Variants in PIEZO2 observed in about 807,000 individuals in gnomAD.
PIEZO2 encodes piezo-type mechanosensitive ion channel component 2.
Under a neutral mutation model 337.3 loss-of-function variants are expected in PIEZO2, and 172 were observed. The ratio of observed to expected loss-of-function variants is 0.51; its 90% CI spans 0.45 to 0.58. The LOEUF is 0.58. PIEZO2 is among the 20% of genes least tolerant of loss of function. The probability of loss-of-function intolerance (pLI) is 0.00; values close to 1 mark genes in which losing one functional copy is unlikely to be tolerated. For synonymous variants in PIEZO2, 1,251 were observed against 1,228.5 expected, an observed-to-expected ratio of 1.02 and a Z score of -0.38; for missense variants, 3,028 against 3,391.3, an observed-to-expected ratio of 0.89 and a Z score of 2.66.
In PIEZO2 at chr18:10,970,660, TCACACACACACACACA is replaced by T. The variant is rs71169962; in HGVS notation, c.286+8859_286+8874del. 6.4e-3 allele frequency among the ~76,000 whole-genome samples: 878 copies of T among 137,526 alleles called. 9 individuals are homozygous for T. Among genetic ancestry groups the T allele is most frequent in the African/African-American group, 0.021 (812 of 38,460 alleles). 90.2% of individuals were successfully genotyped at this position (137,526 alleles called of 152,430 possible). ...CAAAACTTAGAACAAAAAAGATGTT[TCACACACACACACACA>T]CACACACACACACACACACACACAC... On this transcript the variant is annotated intron_variant, in intron 3 of 55. Coordinates refer to ENST00000674853, the MANE Select transcript of PIEZO2 (RefSeq NM_001378183.1).
Position 10,746,420 on chromosome 18 carries a change from C to T in PIEZO2, c.4424+2051G>A, listed in dbSNP as rs1274243948. ...TCCGTAGTTTCACTGGGCTGCTTCCCCTGCCTTCTCCTCTGACTAACTCCT... is the reference window on the plus strand; with the variant it reads ...TCCGTAGTTTCACTGGGCTGCTTCCTCTGCCTTCTCCTCTGACTAACTCCT... On this transcript the variant is annotated intron_variant, in intron 30 of 55. Coordinates refer to ENST00000674853, the MANE Select transcript of PIEZO2 (RefSeq NM_001378183.1). This position sits in a 1 kb window ranked among gnomAD's most constrained non-coding sequence, Gnocchi z 4.2. Among the ~76,000 whole-genome samples the T allele has an allele frequency of 6.6e-6, 1 of 152,198 alleles. No homozygotes were observed. Among genetic ancestry groups the T allele is most frequent in the Non-Finnish European group, 1.5e-5 (1 of 68,036 alleles).
chr18:10,809,659 C>T (rs1254614723), intron 7 of PIEZO2, among the ~76,000 whole-genome samples: 1 of 152,064 alleles, frequency 6.6e-6, no homozygotes, highest in African/African-American at 2.4e-5. Context: ...AAGTTCACAT[C>T]CTTTCTGGCA....
chr18:10,705,632 C>T lies in PIEZO2; in HGVS notation c.5703G>A (p.Glu1901=), dbSNP rs868681559. The T allele has an allele frequency of 3.3e-6, 5 of 1,537,192 alleles. No individual in the cohort carries two copies. The highest frequency in any genetic ancestry group is 4.9e-5 in the East Asian group (2 of 40,884). ...ACCCAGTGGCCTCGTACTCCTTGGC[C>T]TCCCTGGGCTCAGGCGCCGTGCTCC... The part of the protein sequence containing the change: ...EAGSTAPEPR[E]AKEYEATGYD... Residue 1901 remains glutamate, a synonymous_variant, in exon 41 of 56, where the codon GAG becomes GAA. Coordinates refer to ENST00000674853, the MANE Select transcript of PIEZO2 (RefSeq NM_001378183.1).
Position 11,003,418 on chromosome 18 carries a change from C to T in PIEZO2, c.161-23758G>A, listed in dbSNP as rs114997055. Among the ~76,000 whole-genome samples the T allele has an allele frequency of 0.026, 3,995 of 152,236 alleles. 72 individuals are homozygous for T. Among genetic ancestry groups the T allele is most frequent in the African/African-American group, 0.047 (1,961 of 41,556 alleles). On this transcript the variant is annotated intron_variant, in intron 2 of 55. Coordinates refer to ENST00000674853, the MANE Select transcript of PIEZO2 (RefSeq NM_001378183.1). The surrounding 1 kb of genome is among the most constrained non-coding windows in gnomAD (Gnocchi z 4.6). The stretch of plus-strand genomic sequence containing the variant: ...GTTGATCTAAAGAAGAGTTAAATTC[C>T]TAAGGCATATTTCTGGTCACAAAAA...
intron 2 of PIEZO2, among the ~76,000 whole-genome samples, chr18:11,015,272 C>T (rs764149026): frequency 1.3e-5 from 2 of 150,698 alleles, no homozygotes; most frequent in Non-Finnish European, 3.0e-5. Context: ...CAATCCAGGG[C>T]CCCCTCATTC....
chr18:11,055,039 G>A (rs1044337868), intron 2 of PIEZO2, among the ~76,000 whole-genome samples: 18 of 152,096 alleles, frequency 1.2e-4, no homozygotes, highest in Admixed American at 5.9e-4. Context: ...GTGAAACCCC[G>A]TCTCTACTAA....
At chr18:10,787,005 T>C (rs1372323049) in intron 16 of PIEZO2, 31 bp downstream of exon 16, 6 of 1,511,666 alleles carry the variant, frequency 4.0e-6, no homozygotes, top group Non-Finnish European at 4.4e-6. Context: ...GTCTTCATCT[T>C]GTTCATCATT....
chr18:11,022,642 C>G (rs1345445491), intron 2 of PIEZO2, among the ~76,000 whole-genome samples: 1 of 152,198 alleles, frequency 6.6e-6, no homozygotes, highest in East Asian at 1.9e-4. Context: ...TTAATCACCT[C>G]TTTAAAGGCC....
chr18:10,723,704 G>C (rs1313875597), intron 36 of PIEZO2, among the ~76,000 whole-genome samples: 2 of 152,160 alleles, frequency 1.3e-5, no homozygotes, highest in Non-Finnish European at 2.9e-5. Context: ...GACGGGATTG[G>C]ACTGAGTCCT....
chr18:11,018,828 T>C (rs1014307456), intron 2 of PIEZO2, among the ~76,000 whole-genome samples: 26 of 152,152 alleles, frequency 1.7e-4, no homozygotes, highest in Admixed American at 1.2e-3. Context: ...CTTTTTGAGG[T>C]ATACAATTCT....
chr18:11,065,136 G>A (rs1193646933), intron 2 of PIEZO2, among the ~76,000 whole-genome samples: 1 of 152,138 alleles, frequency 6.6e-6, no homozygotes, highest in African/African-American at 2.4e-5. Flanking sequence ...ATCATAACAT[G>A]CCTTATGAAG....
At chr18:10,970,759 TA>T (rs1318666442) in intron 3 of PIEZO2, among the ~76,000 whole-genome samples, 39 of 151,722 alleles carry the variant, frequency 2.6e-4, no homozygotes, top group African/African-American at 8.9e-4. Context: ...GAAGGCTTGT[TA>T]GAGTACTTGA....
In PIEZO2 at chr18:10,731,498, A is replaced by T. The variant is rs1170280560; in HGVS notation, c.4938T>A (p.Thr1646=). 4.6e-6 allele frequency: 7 copies of T among 1,532,134 alleles called. No individual in the cohort carries two copies. The Admixed American group carries it at 1.4e-4, about 30-fold the overall frequency. The allele number at this position is 1,532,134 out of a possible 1,614,324, so 94.9% of individuals were successfully genotyped here. The change falls in exon 36 of 56, where the codon ACT becomes ACA. Residue 1646 remains threonine, a synonymous_variant. Coordinates refer to ENST00000674853, the MANE Select transcript of PIEZO2 (RefSeq NM_001378183.1). The part of the protein sequence containing the change: ...AAKFVYQAWI[T]DPKTALRQRH... ...TTTGTCGGAGTGCTGTTTTAGGATC[A>T]GTAATCCAGGCTTGATAAACAAACT...
At chr18:10,779,941 C>T (rs2038921715) in intron 18 of PIEZO2, among the ~76,000 whole-genome samples, 1 of 152,138 alleles carries the variant, frequency 6.6e-6, no homozygotes, top group Non-Finnish European at 1.5e-5. Context: ...TTACTCTTAG[C>T]AGGAATGTTG....
At chr18:11,051,097 C>T (rs1013750486) in intron 2 of PIEZO2, among the ~76,000 whole-genome samples, 2 of 152,128 alleles carry the variant, frequency 1.3e-5, no homozygotes, top group African/African-American at 2.4e-5. Context: ...TATCTGTCTT[C>T]TGGTTACTCC....
intron 3 of PIEZO2, among the ~76,000 whole-genome samples, chr18:10,923,548 C>T (rs2031551546): frequency 6.6e-6 from 1 of 152,210 alleles, no homozygotes; most frequent in Admixed American, 6.5e-5. Flanking sequence ...GACAGCCTGG[C>T]AGTCTTGACC....
intron 47 of PIEZO2, among the ~76,000 whole-genome samples, chr18:10,695,526 T>C (rs569136782): frequency 6.6e-6 from 1 of 152,256 alleles, no homozygotes; most frequent in South Asian, 2.1e-4. Flanking sequence ...GTGCTTCTCT[T>C]ACCACAAGCT....
Position 11,132,111 on chromosome 18 carries a change from C to T in PIEZO2, c.64+16414G>A, listed in dbSNP as rs556749367. Among the ~76,000 whole-genome samples, 2 of 152,322 alleles carry T rather than the reference C, an allele frequency of 1.3e-5. No homozygotes were observed. The highest frequency in any genetic ancestry group is 4.1e-4 in the South Asian group (2 of 4,824). Reference sequence around the variant, plus strand: ...GTGGCTGGTTGATTATATTGGACCTCTTCCAACATGGAAAGAGGAGAGATT... The same window carrying T: ...GTGGCTGGTTGATTATATTGGACCTTTTCCAACATGGAAAGAGGAGAGATT... On this transcript the variant is annotated intron_variant, in intron 1 of 55. Coordinates refer to ENST00000674853, the MANE Select transcript of PIEZO2 (RefSeq NM_001378183.1). The surrounding 1 kb of genome is among the most constrained non-coding windows in gnomAD (Gnocchi z 4.7).
At chr18:10,845,495 A>T (rs970621771) in intron 7 of PIEZO2, among the ~76,000 whole-genome samples, 44 of 152,128 alleles carry the variant, frequency 2.9e-4, no homozygotes, top group Non-Finnish European at 4.7e-4. Context: ...TAATAATAAT[A>T]AAAAAATCAC....
Sources: gnomAD v4.1 joint callset for allele counts (sites outside exome capture counted in the v4.1 genomes callset) on GRCh38, gnomAD v4.1.1 for gene constraint, Gnocchi (gnomAD v3.1) non-coding constraint, MANE v1.5 for transcripts, NCBI Gene and HGNC (gene_info 2026-07-23, HGNC 2026-07-21) for gene names.